KCNIP1: variants seen among roughly 807,000 people sequenced by gnomAD.
KCNIP1 encodes potassium voltage-gated channel interacting protein 1, also known as A-type potassium channel modulatory protein KCNIP1.
Under a neutral mutation model 33.0 loss-of-function variants are expected in KCNIP1, and 18 were observed. The ratio of observed to expected loss-of-function variants is 0.55; its 90% CI spans 0.38 to 0.81. The LOEUF is 0.81. Among genes scored for constraint, KCNIP1 ranks in the 30% least tolerant of loss-of-function variants. The pLI is 0.00. For synonymous variants in KCNIP1, 93 were observed against 98.3 expected (o/e 0.95, Z 0.32); for missense variants, 238 against 271.6 (o/e 0.88, Z 0.87).
intron 1 of KCNIP1, among the ~76,000 whole-genome samples, chr5:170,658,780 T>A (rs1761365300): frequency 6.6e-6 from 1 of 152,110 alleles, no homozygotes; most frequent in African/African-American, 2.4e-5. Context: ...GCCAAATGAC[T>A]CCACCAGATT....
chr5:170,565,801 G>C (rs1239916370), intron 1 of KCNIP1, among the ~76,000 whole-genome samples: 1 of 152,298 alleles, frequency 6.6e-6, no homozygotes, highest in East Asian at 1.9e-4. Flanking sequence ...AACAATGTCT[G>C]TTTGCCAGGA....
In KCNIP1 at chr5:170,360,332, C is replaced by A. The variant is rs138097770; in HGVS notation, c.88+6368C>A. ...TCTGGACCCAGAGGGACCTGGGCTC[C>A]AACCCTGCCATGCACCAACAGGACA... On this transcript the variant is annotated intron_variant, in intron 1 of 7. Coordinates refer to the KCNIP1 transcript ENST00000377360. 5.4e-3 allele frequency among the ~76,000 whole-genome samples: 815 copies of A among 152,332 alleles called. 5 individuals carry two copies. The highest frequency in any genetic ancestry group is 0.018 in the African/African-American group (755 of 41,572).
intron 1 of KCNIP1, among the ~76,000 whole-genome samples, chr5:170,714,951 G>A (rs1252972861): frequency 6.6e-6 from 1 of 152,116 alleles, no homozygotes; most frequent in Non-Finnish European, 1.5e-5. Flanking sequence ...CCTACCTCAT[G>A]TTTAGTAATA....
chr5:170,491,348 G>A (rs1167511468), intron 1 of KCNIP1, among the ~76,000 whole-genome samples: 1 of 152,174 alleles, frequency 6.6e-6, no homozygotes, highest in Non-Finnish European at 1.5e-5. Context: ...AGGTTACCTA[G>A]TGCAGACTTT....
rs557147600 is a variant in KCNIP1, at chr5:170,366,996, T to G, written c.88+13032T>G. 1.6e-3 allele frequency among the ~76,000 whole-genome samples: 245 copies of G among 152,292 alleles called. 1 individual carries two copies. The highest frequency in any genetic ancestry group is 5.4e-3 in the African/African-American group (223 of 41,570). Reference sequence around the variant, plus strand: ...CTCCTTGGCTGGACTGTGAACTTGTTGGAAGGGCAGGGGCTACATTTTAGT... The same window carrying G: ...CTCCTTGGCTGGACTGTGAACTTGTGGGAAGGGCAGGGGCTACATTTTAGT... On this transcript the variant is annotated intron_variant, in intron 1 of 7. Coordinates refer to the KCNIP1 transcript ENST00000377360.
intron 1 of KCNIP1, among the ~76,000 whole-genome samples, chr5:170,570,225 G>T (rs1757354485): frequency 6.6e-6 from 1 of 152,174 alleles, no homozygotes. Flanking sequence ...AAAGATCCTT[G>T]GGAAAATAGA....
intron 7 of KCNIP1, among the ~76,000 whole-genome samples, chr5:170,734,771 C>T (rs1433798677): frequency 1.3e-5 from 2 of 152,252 alleles, no homozygotes; most frequent in African/African-American, 2.4e-5. Context: ...CATACATAAA[C>T]ATCACAGCCA....
intron 1 of KCNIP1, among the ~76,000 whole-genome samples, chr5:170,648,476 A>G (rs907703294): frequency 6.6e-6 from 1 of 152,238 alleles, no homozygotes; most frequent in Non-Finnish European, 1.5e-5. Context: ...TCAAGCCAGT[A>G]GAAGGCATGG....
chr5:170,383,967 CA>C, intron 1 of KCNIP1: 1 of 990,112 alleles, frequency 1.0e-6, no homozygotes, highest in Non-Finnish European at 1.5e-6. Context: ...CTGGGATCCT[CA>C]TCTTGTCTTC....
intron 1 of KCNIP1, among the ~76,000 whole-genome samples, chr5:170,631,960 G>T (rs1022910900): frequency 6.6e-6 from 1 of 152,228 alleles, no homozygotes; most frequent in Non-Finnish European, 1.5e-5. Context: ...CTGGTCAGGG[G>T]TGGACCTCCC....
At chr5:170,650,412 C>T (rs1400459939) in intron 1 of KCNIP1, among the ~76,000 whole-genome samples, 1 of 148,768 alleles carries the variant, frequency 6.7e-6, no homozygotes, top group Non-Finnish European at 1.5e-5. Flanking sequence ...ACAGTTTTAT[C>T]TAAATCAGCC....
At chr5:170,529,117 G>T (rs987643927) in intron 1 of KCNIP1, among the ~76,000 whole-genome samples, 8 of 152,338 alleles carry the variant, frequency 5.3e-5, no homozygotes, top group Middle Eastern at 3.4e-3. Context: ...AATGGCCAGG[G>T]TAAGATTAAC....
Position 170,383,744 on chromosome 5 carries a change from C to G in KCNIP1, c.88+29780C>G, listed in dbSNP as rs374733513. 4 of 1,614,080 alleles carry G rather than the reference C, an allele frequency of 2.5e-6. No homozygotes were observed. Among genetic ancestry groups the G allele is most frequent in the Admixed American group, 3.3e-5 (2 of 60,004 alleles). On this transcript the variant is annotated intron_variant, in intron 1 of 7. Transcript: ENST00000377360. ...ACAGCCCACCTGCCGGCAGCTGACACGTTGACCCACAGGCATGGGTACTGG... is the reference window on the plus strand; with the variant it reads ...ACAGCCCACCTGCCGGCAGCTGACAGGTTGACCCACAGGCATGGGTACTGG...
chr5:170,458,486 T>C lies in KCNIP1; in HGVS notation c.88+104522T>C, dbSNP rs188817089. On this transcript the variant is annotated intron_variant, in intron 1 of 7. Transcript: ENST00000377360. ...ATCTATAAAGGGAAACCTATCAGAT[T>C]AACAGCAGATTTCTCAGCCAAAACC... Among the ~76,000 whole-genome samples, 137 of 152,300 alleles carry C rather than the reference T, an allele frequency of 9.0e-4. 1 individual carries two copies. The highest frequency in any genetic ancestry group is 3.1e-3 in the African/African-American group (130 of 41,574).
chr5:170,418,353 C>T lies in KCNIP1; in HGVS notation c.88+64389C>T, dbSNP rs540357707. Among the ~76,000 whole-genome samples, 106 of 152,286 alleles carry T rather than the reference C, an allele frequency of 7.0e-4. 1 individual carries two copies. Among genetic ancestry groups the T allele is most frequent in the Non-Finnish European group, 2.1e-4 (14 of 68,012 alleles). ...GGCTGAGGCAGGAAAATTGCTTGAA[C>T]CCAGGAGGTGGAGGTTGCAGAGCTG... On this transcript the variant is annotated intron_variant, in intron 1 of 7. Coordinates refer to the KCNIP1 transcript ENST00000377360.
chr5:170,601,441 G>T (rs545594655), intron 1 of KCNIP1, among the ~76,000 whole-genome samples: 1 of 152,306 alleles, frequency 6.6e-6, no homozygotes, highest in Admixed American at 6.5e-5. Context: ...CTTCTGCTTT[G>T]TCCCGAAAAC....
intron 1 of KCNIP1, among the ~76,000 whole-genome samples, chr5:170,704,474 A>G (rs1347136140): frequency 9.3e-6 from 1 of 107,156 alleles, no homozygotes; most frequent in African/African-American, 4.7e-5. Flanking sequence ...AGCAATGTGA[A>G]AGTACTCTGT....
At chr5:170,519,143 G>T (rs965395528) in intron 1 of KCNIP1, among the ~76,000 whole-genome samples, 4 of 152,190 alleles carry the variant, frequency 2.6e-5, no homozygotes, top group Admixed American at 6.5e-5. Flanking sequence ...TCCGCTAATG[G>T]CAGCAGCTAT....
rs1037027325 is a variant in KCNIP1 at position 170,629,234 on chromosome 5, G to A, written c.62-89524G>A. On this transcript the variant is annotated intron_variant, in intron 1 of 7. Transcript: ENST00000328939. ...TGTAGGGGGCTGTAAGGGACGGGGTGCAGGTAGGGCCTGAGGATTCCGACA... is the reference window on the plus strand; with the variant it reads ...TGTAGGGGGCTGTAAGGGACGGGGTACAGGTAGGGCCTGAGGATTCCGACA... Among the ~76,000 whole-genome samples, 8 of 152,350 alleles carry A rather than the reference G, an allele frequency of 5.3e-5. No individual in the cohort carries two copies. In the South Asian group the frequency reaches 8.3e-4, roughly 16 times the overall value.
Sources: allele counts gnomAD v4.1 joint callset (sites outside exome capture counted in the v4.1 genomes callset), GRCh38; gene constraint gnomAD v4.1.1; transcripts MANE v1.5; gene names NCBI Gene and HGNC (gene_info 2026-07-23, HGNC 2026-07-21).